The following CPA6 variants were observed in gnomAD, a reference collection of about 807,000 sequenced individuals.
CPA6 encodes carboxypeptidase B.
A neutral mutation model predicts 63.3 loss-of-function variants in CPA6; 58 were observed. The ratio of observed to expected loss-of-function variants is 0.92; its 90% CI spans 0.74 to 1.14. The LOEUF (loss-of-function observed/expected upper bound fraction) is 1.14. CPA6 is among the 50% of genes most tolerant of loss of function. The pLI is 0.00. For synonymous variants in CPA6, 185 were observed against 179.0 expected (o/e 1.03, Z -0.27); for missense variants, 565 against 526.6 (o/e 1.07, Z -0.71).
chr8:67,608,498 T>TGA (rs1202599335), intron 2 of CPA6, among the ~76,000 whole-genome samples: 3 of 152,222 alleles, frequency 2.0e-5, no homozygotes, highest in African/African-American at 7.2e-5. Flanking sequence ...TCCATCTTGC[T>TGA]GAGAGCCACC....
At chr8:67,541,012 G>A (rs192278911) in intron 2 of CPA6, among the ~76,000 whole-genome samples, 1 of 152,152 alleles carries the variant, frequency 6.6e-6, no homozygotes, top group African/African-American at 2.4e-5. Flanking sequence ...GGGAGCGAAT[G>A]TTTCTGTCTC....
At chr8:67,552,710 TTGCA>T (rs1812972822) in intron 2 of CPA6, among the ~76,000 whole-genome samples, 2 of 134,948 alleles carry the variant, frequency 1.5e-5, no homozygotes, top group African/African-American at 5.5e-5. Flanking sequence ...GAGGCAGAGC[TTGCA>T]TGCAGTGAAC....
chr8:67,538,268 T>C (rs559859968), intron 2 of CPA6, among the ~76,000 whole-genome samples: 64 of 152,322 alleles, frequency 4.2e-4, no homozygotes, highest in African/African-American at 1.3e-3. Flanking sequence ...TTGATCTGTC[T>C]AATATTGACA....
intron 8 of CPA6, among the ~76,000 whole-genome samples, chr8:67,437,361 C>A (rs1810185545): frequency 6.6e-6 from 1 of 152,116 alleles, no homozygotes; most frequent in Non-Finnish European, 1.5e-5. Context: ...CGCCACCGCA[C>A]TCCAGCCTGG....
intron 1 of CPA6, among the ~76,000 whole-genome samples, chr8:67,651,125 CA>C (rs966144279): frequency 2.6e-5 from 4 of 152,148 alleles, no homozygotes; most frequent in African/African-American, 9.7e-5. Context: ...AAGGAATTTA[CA>C]TGAAACTTAA....
In CPA6 at chr8:67,513,215, T is replaced by G. The variant is rs561757302; in HGVS notation, c.318-1560A>C. Among the ~76,000 whole-genome samples, 4 of 152,296 alleles carry G rather than the reference T, an allele frequency of 2.6e-5. No homozygotes were observed. In the South Asian group the frequency reaches 8.3e-4, roughly 32 times the overall value. On this transcript the variant is annotated intron_variant, in intron 3 of 10. Transcript: ENST00000297770. ...TGTATTAGTGCTTTCTTTTTTACCC[T>G]CAAAGTAGGAAGTTACAGATGATTA...
Position 67,734,336 on chromosome 8 carries a change from G to A in CPA6, c.116+11678C>T, listed in dbSNP as rs554477531. Among the ~76,000 whole-genome samples, 10 of 148,286 alleles carry A rather than the reference G, an allele frequency of 6.7e-5. No homozygotes were observed. The East Asian group carries it at 1.4e-3, about 20-fold the overall frequency. On this transcript the variant is annotated intron_variant, in intron 1 of 10. Transcript: ENST00000297770. The stretch of plus-strand genomic sequence containing the variant: ...AAGGTGCATGACCTCAGCAAACCAG[G>A]GCCCCATGGAAAAAAAAAAAAAAAA...
intron 8 of CPA6, among the ~76,000 whole-genome samples, chr8:67,441,810 A>T (rs1231345039): frequency 6.6e-6 from 1 of 152,146 alleles, no homozygotes; most frequent in Non-Finnish European, 1.5e-5. Context: ...AGGAAGAAAA[A>T]AATATAAAGG....
chr8:67,667,228 C>T (rs1563384569), intron 1 of CPA6, among the ~76,000 whole-genome samples: 1 of 151,810 alleles, frequency 6.6e-6, no homozygotes, highest in South Asian at 2.1e-4. Context: ...TGATGGAGCC[C>T]GATGTCATTT....
chr8:67,638,466 A>G lies in CPA6; in HGVS notation c.117-14215T>C, dbSNP rs368502312. Among the ~76,000 whole-genome samples, 10 of 151,698 alleles carry G rather than the reference A, an allele frequency of 6.6e-5. 1 individual carries two copies. The highest frequency in any genetic ancestry group is 2.6e-4 in the Admixed American group (4 of 15,272). The stretch of plus-strand genomic sequence containing the variant: ...CCTCCAAACTAAGGATTTGTGTTCA[A>G]GTAGTCATCCGGTTAGAAGTTCCCT... On this transcript the variant is annotated intron_variant, in intron 1 of 10. Coordinates refer to ENST00000297770, the MANE Select transcript of CPA6 (RefSeq NM_020361.5).
intron 2 of CPA6, among the ~76,000 whole-genome samples, chr8:67,609,846 A>T (rs766507725): frequency 1.3e-5 from 2 of 151,982 alleles, no homozygotes; most frequent in Non-Finnish European, 2.9e-5. Flanking sequence ...ATATGGTGAA[A>T]CCCCTTCTTT....
chr8:67,536,900 A>C (rs1401611164), intron 2 of CPA6, among the ~76,000 whole-genome samples: 5 of 152,212 alleles, frequency 3.3e-5, no homozygotes, highest in Non-Finnish European at 7.3e-5. Flanking sequence ...TGTTTTTAGC[A>C]TGAAGGGGCA....
chr8:67,673,469 C>T (rs1206255850), intron 1 of CPA6, among the ~76,000 whole-genome samples: 10 of 150,564 alleles, frequency 6.6e-5, no homozygotes, highest in Non-Finnish European at 1.3e-4. Flanking sequence ...TTGCAAGCTC[C>T]GCCTCCCGGG....
intron 8 of CPA6, among the ~76,000 whole-genome samples, chr8:67,447,929 C>T (rs765066122): frequency 5.9e-5 from 9 of 152,146 alleles, no homozygotes; most frequent in Admixed American, 3.9e-4. Context: ...GGATTATAGA[C>T]GTGTGCCACC....
At chr8:67,510,807 C>T (rs781574656) in intron 4 of CPA6, among the ~76,000 whole-genome samples, 5 of 152,062 alleles carry the variant, frequency 3.3e-5, no homozygotes, top group African/African-American at 4.8e-5. Flanking sequence ...AAGTGGCCTG[C>T]GCTCATGGAA....
At chr8:67,628,804 G>C (rs1420097443) in intron 1 of CPA6, among the ~76,000 whole-genome samples, 2 of 152,162 alleles carry the variant, frequency 1.3e-5, no homozygotes, top group Non-Finnish European at 1.5e-5. Context: ...AAGTTCCTAT[G>C]GGCATATTTC....
At chr8:67,667,857 A>C (rs1816264345) in intron 1 of CPA6, among the ~76,000 whole-genome samples, 1 of 152,220 alleles carries the variant, frequency 6.6e-6, no homozygotes, top group Non-Finnish European at 1.5e-5. Context: ...CAAGGGGTGC[A>C]GGGCACCAGG....
intron 1 of CPA6, among the ~76,000 whole-genome samples, chr8:67,722,995 A>C (rs1817530329): frequency 6.6e-6 from 1 of 151,668 alleles, no homozygotes; most frequent in Non-Finnish European, 1.5e-5. Flanking sequence ...CATCCCCTAC[A>C]CTCTAAAAAT....
chr8:67,688,199 A>G (rs1816744991), intron 1 of CPA6, among the ~76,000 whole-genome samples: 1 of 152,110 alleles, frequency 6.6e-6, no homozygotes, highest in African/African-American at 2.4e-5. Flanking sequence ...AAAAACAAAA[A>G]ATCATCATTT....
Sources: allele counts gnomAD v4.1 joint callset (sites outside exome capture counted in the v4.1 genomes callset), GRCh38; gene constraint gnomAD v4.1.1; transcripts MANE v1.5; gene names NCBI Gene and HGNC (gene_info 2026-07-23, HGNC 2026-07-21).